The following ZFPM2 variants were observed in gnomAD, a reference collection of about 807,000 sequenced individuals.
The protein encoded by ZFPM2 is zinc finger protein, FOG family member 2.
ZFPM2 carries 20 observed loss-of-function variants against 98.6 expected under a neutral mutation model. That is an observed-to-expected ratio of 0.20 (90% confidence interval 0.14 to 0.29). ZFPM2 has a LOEUF of 0.29. Among genes scored for constraint, ZFPM2 ranks in the 10% least tolerant of loss-of-function variants. The pLI is 1.00. For missense variants in ZFPM2, 1,310 were observed against 1,388.6 expected (o/e 0.94, Z 0.90); for synonymous variants, 518 against 502.7 (o/e 1.03, Z -0.41).
chr8:105,413,505 TATAC>T (rs1435179691), intron 1 of ZFPM2, among the ~76,000 whole-genome samples: 8 of 141,868 alleles, frequency 5.6e-5, no homozygotes, highest in African/African-American at 1.8e-4. Context: ...TATATATATA[TATAC>T]ACACACACAC....
chr8:105,721,094 A>G (rs1179230382), intron 5 of ZFPM2, among the ~76,000 whole-genome samples: 1 of 151,882 alleles, frequency 6.6e-6, no homozygotes, highest in Non-Finnish European at 1.5e-5. Flanking sequence ...CTGTAGACAT[A>G]GGGGACTGGT....
rs957137998 is a variant in ZFPM2 at position 105,524,470 on chromosome 8, A to ATGTG, written c.302-36881_302-36878dup. Among the ~76,000 whole-genome samples, 616 of 150,624 alleles carry ATGTG rather than the reference A, an allele frequency of 4.1e-3. 3 individuals are homozygous for ATGTG. The highest frequency in any genetic ancestry group is 0.014 in the African/African-American group (575 of 40,880). Reference sequence around the variant, plus strand: ...CATTCTTGGGTGTGTGTGTGTGTGTATGTGTGTGTGTGTGTTTCTCTCTCT... The same window carrying ATGTG: ...CATTCTTGGGTGTGTGTGTGTGTGTATGTGTGTGTGTGTGTGTGTTTCTCTCTCT... On this transcript the variant is annotated intron_variant, in intron 3 of 7. Transcript: ENST00000407775.
At chr8:105,365,422 A>C (rs1810488048) in intron 1 of ZFPM2, among the ~76,000 whole-genome samples, 1 of 152,174 alleles carries the variant, frequency 6.6e-6, no homozygotes, top group Non-Finnish European at 1.5e-5. Flanking sequence ...AAACTTAAGG[A>C]ATGAAGTAAA....
chr8:105,438,399 A>G (rs1812167440), intron 2 of ZFPM2, among the ~76,000 whole-genome samples: 2 of 152,262 alleles, frequency 1.3e-5, no homozygotes, highest in South Asian at 4.1e-4. Context: ...TAATGAACTA[A>G]TAAAGAACAC....
intron 5 of ZFPM2, among the ~76,000 whole-genome samples, chr8:105,727,289 G>A (rs994987493): frequency 1.1e-4 from 16 of 151,112 alleles, no homozygotes; most frequent in African/African-American, 3.2e-4. Flanking sequence ...TGATCATGCC[G>A]GTTAATAGTC....
intron 2 of ZFPM2, among the ~76,000 whole-genome samples, chr8:105,429,502 A>G (rs188206380): frequency 1.3e-5 from 2 of 151,002 alleles, no homozygotes; most frequent in South Asian, 2.1e-4. Flanking sequence ...TAAGGAAACA[A>G]TGCATTCACT....
At chr8:105,603,695 T>C (rs1816139952) in intron 4 of ZFPM2, among the ~76,000 whole-genome samples, 1 of 152,220 alleles carries the variant, frequency 6.6e-6, no homozygotes, top group South Asian at 2.1e-4. Context: ...TCATTAGCTG[T>C]GTAATTTAGG....
chr8:105,787,564 T>A (rs1586266109), intron 5 of ZFPM2: 1 of 152,304 alleles, frequency 6.6e-6, no homozygotes, highest in Middle Eastern at 3.4e-3. Flanking sequence ...TTCCACCAGA[T>A]TTTTACCACA....
intron 1 of ZFPM2, among the ~76,000 whole-genome samples, chr8:105,377,402 T>G (rs1348623826): frequency 6.6e-6 from 1 of 151,990 alleles, no homozygotes; most frequent in Non-Finnish European, 1.5e-5. Context: ...AGAACTTAGT[T>G]CTGAAAGAGG....
intron 3 of ZFPM2, among the ~76,000 whole-genome samples, chr8:105,450,670 T>C (rs1812466678): frequency 6.6e-6 from 1 of 151,978 alleles, no homozygotes; most frequent in Admixed American, 6.6e-5. Context: ...ATGCTTTGTG[T>C]CCATATGAAA....
chr8:105,503,664 C>T (rs576390440), intron 3 of ZFPM2, among the ~76,000 whole-genome samples: 7 of 152,226 alleles, frequency 4.6e-5, no homozygotes, highest in Non-Finnish European at 7.4e-5. Context: ...GCTTAACATA[C>T]TTTAAAGTAT....
chr8:105,423,782 A>G (rs949485082), intron 2 of ZFPM2, among the ~76,000 whole-genome samples: 4 of 152,226 alleles, frequency 2.6e-5, no homozygotes, highest in African/African-American at 4.8e-5. Context: ...CACTACTGGC[A>G]GGTGGGAATG....
chr8:105,772,490 A>G (rs1813001304), intron 5 of ZFPM2, among the ~76,000 whole-genome samples: 1 of 152,170 alleles, frequency 6.6e-6, no homozygotes, highest in African/African-American at 2.4e-5. Context: ...GAAAGCAGGC[A>G]GGGGTAAAGA....
rs75508992 is a variant in ZFPM2, at chr8:105,505,784, A to G, written c.302-55579A>G. Among the ~76,000 whole-genome samples, 640 of 152,316 alleles carry G rather than the reference A, an allele frequency of 4.2e-3. 5 individuals are homozygous for G. The highest frequency in any genetic ancestry group is 0.015 in the African/African-American group (603 of 41,584). ...ATAGCCAATTTATACACAAAAGGCAATAAAATGCCATACCATAAATTCATT... is the reference window on the plus strand; with the variant it reads ...ATAGCCAATTTATACACAAAAGGCAGTAAAATGCCATACCATAAATTCATT... On this transcript the variant is annotated intron_variant, in intron 3 of 7. Transcript: ENST00000407775.
At chr8:105,502,367 A>G (rs138528342) in intron 3 of ZFPM2, among the ~76,000 whole-genome samples, 1 of 152,330 alleles carries the variant, frequency 6.6e-6, no homozygotes, top group African/African-American at 2.4e-5. Flanking sequence ...GAAGATAAGC[A>G]TGCTACAGAT....
At chr8:105,330,553 C>CGTGT (rs1554594961) in intron 1 of ZFPM2, among the ~76,000 whole-genome samples, 1 of 92,410 alleles carries the variant, frequency 1.1e-5, no homozygotes, top group Non-Finnish European at 2.2e-5. Flanking sequence ...TATATATATA[C>CGTGT]ATATATATAT....
intron 3 of ZFPM2, among the ~76,000 whole-genome samples, chr8:105,476,692 C>A (rs1368781763): frequency 6.6e-6 from 1 of 152,054 alleles, no homozygotes; most frequent in East Asian, 1.9e-4. Context: ...TAGTATAGGG[C>A]CCATAATGGC....
chr8:105,439,921 G>A (rs1455421770), intron 2 of ZFPM2, among the ~76,000 whole-genome samples: 4 of 152,166 alleles, frequency 2.6e-5, no homozygotes, highest in Non-Finnish European at 5.9e-5. Context: ...GTAAATAATT[G>A]TGTAGATTCT....
chr8:105,379,731 T>A (rs1810805045), intron 1 of ZFPM2, among the ~76,000 whole-genome samples: 1 of 143,528 alleles, frequency 7.0e-6, no homozygotes, highest in Admixed American at 7.3e-5. Flanking sequence ...CCAGCCTGGG[T>A]AACAAGAGTG....
Sources: gnomAD v4.1 joint callset for allele counts (sites outside exome capture counted in the v4.1 genomes callset) on GRCh38, gnomAD v4.1.1 for gene constraint, MANE v1.5 for transcripts, NCBI Gene and HGNC (gene_info 2026-07-23, HGNC 2026-07-21) for gene names.